The following NRXN1 variants were observed in gnomAD, a reference collection of about 807,000 sequenced individuals.
The protein encoded by NRXN1 is neurexin-1.
NRXN1 carries 39 observed loss-of-function variants against 150.9 expected under a neutral mutation model. That is an observed-to-expected ratio of 0.26 (90% CI 0.20 to 0.34). The LOEUF is 0.34. NRXN1 is among the 10% of genes least tolerant of loss of function. The pLI, the probability that NRXN1 is intolerant of heterozygous loss-of-function variation, is 1.00. For synonymous variants in NRXN1, 924 were observed against 757.0 expected (o/e 1.22, Z -3.62); for missense variants, 1,815 against 1,949.9 (o/e 0.93, Z 1.30).
At chr2:50,443,498 G>A (rs771759487) in intron 17 of NRXN1, among the ~76,000 whole-genome samples, 7 of 152,178 alleles carry the variant, frequency 4.6e-5, no homozygotes, top group Non-Finnish European at 7.4e-5. Context: ...TGGAGCACTG[G>A]TAACTAAGTG....
chr2:50,910,530 C>T (rs370981140), intron 5 of NRXN1, among the ~76,000 whole-genome samples: 1 of 151,894 alleles, frequency 6.6e-6, no homozygotes, highest in Non-Finnish European at 1.5e-5. Flanking sequence ...TGATCCTTGG[C>T]TATGCTTGTG....
chr2:50,149,827 C>A (rs2058592187), intron 18 of NRXN1, among the ~76,000 whole-genome samples: 1 of 151,530 alleles, frequency 6.6e-6, no homozygotes, highest in African/African-American at 2.4e-5. Context: ...AGTTCTGACT[C>A]AAGAGAAGAC....
chr2:49,974,293 C>T (rs1678541470), intron 21 of NRXN1: 2 of 546,184 alleles, frequency 3.7e-6, no homozygotes, highest in Non-Finnish European at 7.0e-6. Context: ...GTTGACGAGG[C>T]TGTTGGTACA....
chr2:50,106,635 C>T (rs910223125), intron 18 of NRXN1, among the ~76,000 whole-genome samples: 4 of 151,970 alleles, frequency 2.6e-5, no homozygotes, highest in Middle Eastern at 6.8e-3. Context: ...TTTTGATAAA[C>T]TTTCCTAGTC....
intron 17 of NRXN1, among the ~76,000 whole-genome samples, chr2:50,375,071 A>G (rs1572730005): frequency 6.6e-6 from 1 of 152,178 alleles, no homozygotes; most frequent in African/African-American, 2.4e-5. Context: ...ATTTGTTTAT[A>G]TCTTAGTGAA....
At chr2:50,151,225 C>T (rs1226149860) in intron 18 of NRXN1, among the ~76,000 whole-genome samples, 1 of 151,680 alleles carries the variant, frequency 6.6e-6, no homozygotes, top group South Asian at 2.1e-4. Context: ...AGGTTTCTTT[C>T]CATTCTGGGA....
At chr2:50,653,413 T>A (rs1394101592) in intron 5 of NRXN1, among the ~76,000 whole-genome samples, 1 of 152,026 alleles carries the variant, frequency 6.6e-6, no homozygotes, top group African/African-American at 2.4e-5. Flanking sequence ...GGCTGGAGGT[T>A]TAGTTGCTGT....
At chr2:50,072,741 C>T (rs939013906) in intron 19 of NRXN1, among the ~76,000 whole-genome samples, 1 of 152,094 alleles carries the variant, frequency 6.6e-6, no homozygotes, top group East Asian at 1.9e-4. Flanking sequence ...CCAAGCCCAA[C>T]TTGGACATAT....
chr2:50,790,942 G>A (rs1384986371), intron 5 of NRXN1, among the ~76,000 whole-genome samples: 2 of 152,064 alleles, frequency 1.3e-5, no homozygotes, highest in African/African-American at 4.8e-5. Flanking sequence ...GGATTTTGGA[G>A]CACTTCAGAT....
intron 21 of NRXN1, 146 bp downstream of exon 21, chr2:50,053,125 A>T (rs1243886135): frequency 1.3e-5 from 10 of 747,906 alleles, no homozygotes; most frequent in Admixed American, 8.8e-5. Context: ...TTCAAACGGA[A>T]TGCATTATGT....
chr2:50,569,886 A>G lies in NRXN1; in HGVS notation c.1321-16861T>C, dbSNP rs1411412148. On this transcript the variant is annotated intron_variant, in intron 8 of 22. Transcript: ENST00000401669. ...ATTTTAGCTCTCCACATTAAGTAGC[A>G]TTATAATTATATGATGAAACCAGAG... 2.0e-5 allele frequency among the ~76,000 whole-genome samples: 3 copies of G among 152,172 alleles called. No homozygotes were observed. In the East Asian group the frequency reaches 5.8e-4, roughly 29 times the overall value.
At chr2:50,820,291 T>A (rs1013613583) in intron 5 of NRXN1, among the ~76,000 whole-genome samples, 9 of 152,118 alleles carry the variant, frequency 5.9e-5, no homozygotes, top group South Asian at 2.1e-4. Context: ...CCCCATTAAA[T>A]CATCTCACTG....
chr2:50,214,914 T>C (rs17508684), intron 18 of NRXN1, among the ~76,000 whole-genome samples: 8,655 of 152,052 alleles, frequency 0.057, 298 homozygotes, highest in Middle Eastern at 0.11. Context: ...TATAAACTGA[T>C]GCAGGGTAAA....
chr2:50,483,725 G>A (rs2090655533), intron 15 of NRXN1, among the ~76,000 whole-genome samples: 1 of 152,034 alleles, frequency 6.6e-6, no homozygotes, highest in East Asian at 1.9e-4. Context: ...ATTCTTTTCT[G>A]ATGCACCACA....
chr2:50,501,251 G>C (rs1419362181), intron 13 of NRXN1, among the ~76,000 whole-genome samples: 2 of 152,164 alleles, frequency 1.3e-5, no homozygotes, highest in Non-Finnish European at 1.5e-5. Context: ...CATGGCTGGA[G>C]AGCTGGGAAC....
At chr2:50,556,155 A>G (rs780141047) in intron 8 of NRXN1, among the ~76,000 whole-genome samples, 3 of 152,128 alleles carry the variant, frequency 2.0e-5, no homozygotes, top group Non-Finnish European at 4.4e-5. Context: ...TTACACTACT[A>G]TTTCATCTGA....
At position 50,533,885 on chromosome 2, in the gene NRXN1, A is replaced by G. The variant is rs190765392; in HGVS notation, c.2144-2455T>C. ...AAATGTTACTCCAGAGAGACCTGCT[A>G]CCCACTCCAGTTATTCAATATATAT... On this transcript the variant is annotated intron_variant, in intron 10 of 22. Transcript: ENST00000401669. Among the ~76,000 whole-genome samples, 11 of 152,284 alleles carry G rather than the reference A, an allele frequency of 7.2e-5. No homozygotes were observed. In the East Asian group the frequency reaches 2.1e-3, roughly 29 times the overall value.
intron 5 of NRXN1, among the ~76,000 whole-genome samples, chr2:50,865,658 G>GT (rs71404978): frequency 0.038 from 1,592 of 41,802 alleles, 288 homozygotes; most frequent in Non-Finnish European, 0.042. Context: ...GCATTTGAAA[G>GT]TTTTTTTTTT....
chr2:50,569,422 G>A (rs947167006), intron 8 of NRXN1, among the ~76,000 whole-genome samples: 4 of 151,942 alleles, frequency 2.6e-5, no homozygotes, highest in African/African-American at 9.7e-5. Flanking sequence ...CACTTAGTAT[G>A]TACTCAGAAA....
Sources: allele counts gnomAD v4.1 joint callset (sites outside exome capture counted in the v4.1 genomes callset), GRCh38; gene constraint gnomAD v4.1.1; transcripts MANE v1.5; gene names NCBI Gene and HGNC (gene_info 2026-07-23, HGNC 2026-07-21).